ZNF503: variants seen among roughly 807,000 people sequenced by gnomAD.
ZNF503 encodes NocA-like zinc finger 2.
A neutral mutation model predicts 34.4 loss-of-function variants in ZNF503; 15 were observed. The observed-to-expected ratio is 0.44, with a 90% CI of 0.29 to 0.67. The LOEUF (loss-of-function observed/expected upper bound fraction) is 0.67. Ranked by LOEUF, ZNF503 falls within the 30% of genes least tolerant of loss-of-function variation. The pLI is 0.13. For synonymous variants in ZNF503, 580 were observed against 456.8 expected (o/e 1.27, Z -3.44); for missense variants, 1,007 against 926.8 (o/e 1.09, Z -1.12).
chr10:75,382,839 C>T, the ZNF503 span: 39 of 268,058 alleles, frequency 1.5e-4, no homozygotes, highest in Middle Eastern at 1.6e-3. Context: ...AGAATGGAAT[C>T]GACATCCTCT....
At chr10:75,374,189 G>A in the ZNF503 span, among the ~76,000 whole-genome samples, 5 of 152,220 alleles carry the variant, frequency 3.3e-5, no homozygotes, top group Admixed American at 6.5e-5. Context: ...GTGCACAACT[G>A]TGGATGCAAC....
chr10:75,285,545 G>T, the ZNF503 span, among the ~76,000 whole-genome samples: 7 of 152,354 alleles, frequency 4.6e-5, no homozygotes, highest in African/African-American at 1.4e-4. Context: ...CTTGCAGTTA[G>T]CACCTGCTAA....
chr10:75,364,890 G>A, the ZNF503 span, among the ~76,000 whole-genome samples: 1 of 152,172 alleles, frequency 6.6e-6, no homozygotes, highest in Non-Finnish European at 1.5e-5. Flanking sequence ...TTTGTAAATG[G>A]GCAGATTGGC....
chr10:75,373,843 C>T, the ZNF503 span, among the ~76,000 whole-genome samples: 1 of 152,326 alleles, frequency 6.6e-6, no homozygotes, highest in East Asian at 1.9e-4. Flanking sequence ...TTCAGAGTTT[C>T]CTGCCCATCT....
At chr10:75,289,082 C>T in the ZNF503 span, among the ~76,000 whole-genome samples, 1 of 152,134 alleles carries the variant, frequency 6.6e-6, no homozygotes, top group Non-Finnish European at 1.5e-5. Flanking sequence ...GTGAATCTTC[C>T]CATGAGTACA....
At position 75,399,124 on chromosome 10, in the gene ZNF503, G is replaced by C. The variant is rs761586463; in HGVS notation, c.1566C>G (p.Asn522Lys). The C allele has an allele frequency of 1.2e-6, 2 of 1,613,660 alleles. No homozygotes were observed. The highest frequency in any genetic ancestry group is 1.1e-5 in the South Asian group (1 of 91,070). ...LPHICNWVSA[N>K]GPCDKRFATS... is the part of the protein sequence containing the mutation. ...TGGCGAAGCGCTTGTCGCACGGCCC[G>C]TTGGCCGACACCCAGTTGCAGATGT... The change falls in exon 2 of 2, where the codon AAC becomes AAG. Residue 522 changes from asparagine (N) to lysine (K), a missense_variant. Coordinates refer to ENST00000372524, the MANE Select transcript of ZNF503 (RefSeq NM_032772.6).
the ZNF503 span, among the ~76,000 whole-genome samples, chr10:75,317,780 G>C: frequency 2.0e-5 from 3 of 152,102 alleles, no homozygotes; most frequent in Non-Finnish European, 4.4e-5. Context: ...CAGATCACTT[G>C]AGGTCAGGAG....
chr10:75,364,196 T>C, the ZNF503 span, among the ~76,000 whole-genome samples: 18 of 152,300 alleles, frequency 1.2e-4, no homozygotes, highest in Non-Finnish European at 2.1e-4. Flanking sequence ...AAATGGGGCA[T>C]GACAACAAAC....
At chr10:75,379,535 T>G in the ZNF503 span, among the ~76,000 whole-genome samples, 1 of 152,194 alleles carries the variant, frequency 6.6e-6, no homozygotes, top group Non-Finnish European at 1.5e-5. Context: ...TCACAATAAA[T>G]CACTGCTTCA....
At chr10:75,304,232 A>T in the ZNF503 span, among the ~76,000 whole-genome samples, 1 of 152,182 alleles carries the variant, frequency 6.6e-6, no homozygotes, top group Non-Finnish European at 1.5e-5. Flanking sequence ...TGAACAGCAT[A>T]AACAAGACTG....
chr10:75,303,377 G>T, the ZNF503 span, among the ~76,000 whole-genome samples: 1 of 152,226 alleles, frequency 6.6e-6, no homozygotes, highest in Admixed American at 6.5e-5. Context: ...TTGGAAAGTG[G>T]TTCTGGGCAA....
Position 75,401,741 on chromosome 10 carries a change from C to T in ZNF503, c.-322G>A, listed in dbSNP as rs980952787. 1 of 364,274 alleles carries T rather than the reference C, an allele frequency of 2.7e-6. No individual in the cohort carries two copies. The highest frequency in any genetic ancestry group is 4.9e-6 in the Non-Finnish European group (1 of 204,218). The allele number at this position is 364,274 out of a possible 1,614,324, so 22.6% of individuals were successfully genotyped here. On this transcript the variant is annotated 5_prime_UTR_variant, in exon 1 of 2. Transcript: ENST00000372524. ...CGGCGCTGCGCTCTGCGATGCGAGC[C>T]GCTGCGTGTCCAGCCGGGGCTCTGG...
Position 75,400,318 on chromosome 10 carries a change from C to A in ZNF503, c.372G>T (p.Gly124=). The A allele has an allele frequency of 6.2e-7, 1 of 1,612,678 alleles. No individual in the cohort carries two copies. Among genetic ancestry groups the A allele is most frequent in the African/African-American group, 1.3e-5 (1 of 74,998 alleles). ...ALLAQTCSQI[G]KPDPSPSSKL... ...TGGAGGAGGGCGAGGGGTCGGGCTTCCCGATCTGCGAACATGTTTGCGCCA... is the reference window on the plus strand; with the variant it reads ...TGGAGGAGGGCGAGGGGTCGGGCTTACCGATCTGCGAACATGTTTGCGCCA... Residue 124 remains glycine (G), a synonymous_variant, in exon 2 of 2, where the codon GGG becomes GGT. Transcript: ENST00000372524.
At chr10:75,376,819 G>A in the ZNF503 span, among the ~76,000 whole-genome samples, 3 of 152,026 alleles carry the variant, frequency 2.0e-5, no homozygotes, top group Admixed American at 1.3e-4. Flanking sequence ...CAGGCGAAGG[G>A]GGAAGCTCCT....
At chr10:75,379,485 C>T in the ZNF503 span, among the ~76,000 whole-genome samples, 1 of 152,218 alleles carries the variant, frequency 6.6e-6, no homozygotes, top group Non-Finnish European at 1.5e-5. Flanking sequence ...AGCTTCATTA[C>T]CACAATCACA....
chr10:75,324,447 G>A, the ZNF503 span, among the ~76,000 whole-genome samples: 24 of 151,898 alleles, frequency 1.6e-4, 1 homozygote, highest in African/African-American at 5.8e-4. Context: ...TCCCACCTCA[G>A]CCTCCCAAGG....
Position 75,401,497 on chromosome 10 carries a change from C to T in ZNF503, c.-78G>A. The T allele has an allele frequency of 6.8e-7, 1 of 1,464,504 alleles. No homozygotes were observed. Among genetic ancestry groups the T allele is most frequent in the African/African-American group, 1.5e-5 (1 of 67,370 alleles). 90.7% of individuals were successfully genotyped at this position (1,464,504 alleles called of 1,614,324 possible). ...GGCGGGCTCGGGGCTGCGCGCTCGC[C>T]CCGGGAGCAGGAGCAGCGGGAGGAG... On this transcript the variant is annotated 5_prime_UTR_variant, in exon 1 of 2. Transcript: ENST00000372524.
At chr10:75,318,961 T>TC in the ZNF503 span, among the ~76,000 whole-genome samples, 3 of 151,304 alleles carry the variant, frequency 2.0e-5, no homozygotes, top group Non-Finnish European at 2.9e-5. Flanking sequence ...TCTCTCTCTC[T>TC]TTCTTATTTC....
At chr10:75,370,669 C>T in the ZNF503 span, among the ~76,000 whole-genome samples, 1 of 151,580 alleles carries the variant, frequency 6.6e-6, no homozygotes, top group Non-Finnish European at 1.5e-5. Flanking sequence ...ATCCTAACTA[C>T]TCGGGAGGCT....
Sources: allele counts gnomAD v4.1 joint callset (sites outside exome capture counted in the v4.1 genomes callset), GRCh38; gene constraint gnomAD v4.1.1; transcripts MANE v1.5; gene names NCBI Gene and HGNC (gene_info 2026-07-23, HGNC 2026-07-21).